SOX5: variants seen among roughly 807,000 people sequenced by gnomAD.
SOX5 encodes transcription factor SOX-5.
SOX5 carries 9 observed loss-of-function variants against 92.0 expected under a neutral mutation model. The observed-to-expected ratio is 0.10, with a 90% confidence interval of 0.06 to 0.17. The LOEUF is 0.17. Ranked by LOEUF, SOX5 falls within the 10% of genes least tolerant of loss-of-function variation. The probability of loss-of-function intolerance (pLI) is 1.00; values close to 1 mark genes in which losing one functional copy is unlikely to be tolerated. For synonymous variants in SOX5, 344 were observed against 336.3 expected, an observed-to-expected ratio of 1.02 and a Z score of -0.25; for missense variants, 642 against 944.5, an observed-to-expected ratio of 0.68 and a Z score of 4.20.
intron 1 of SOX5, among the ~76,000 whole-genome samples, chr12:24,390,115 TACTCA>T (rs1305920831): frequency 6.6e-6 from 1 of 152,206 alleles, no homozygotes; most frequent in Admixed American, 6.5e-5. Context: ...GTTTTCCAGC[TACTCA>T]ACTCCTCTTT....
intron 4 of SOX5, among the ~76,000 whole-genome samples, chr12:24,142,941 C>T (rs1255359400): frequency 1.3e-5 from 2 of 151,310 alleles, no homozygotes; most frequent in African/African-American, 2.4e-5. Context: ...AGCACGTGTG[C>T]AAGGAAACTG....
chr12:23,561,058 C>T (rs997626741), intron 11 of SOX5, among the ~76,000 whole-genome samples: 8 of 152,132 alleles, frequency 5.3e-5, no homozygotes, highest in African/African-American at 1.9e-4. Context: ...AGATGTAACT[C>T]AACTGCATTG....
intron 4 of SOX5, among the ~76,000 whole-genome samples, chr12:23,958,652 A>G (rs1171563433): frequency 2.6e-5 from 4 of 151,856 alleles, no homozygotes; most frequent in Admixed American, 2.0e-4. Flanking sequence ...AGGTTTCTAT[A>G]AGAAAGCCTA....
Position 23,970,841 on chromosome 12 carries a change from A to AAT in SOX5, c.-1-74818_-1-74817insAT, listed in dbSNP as rs758001783. ...ACATGGGACTTTATATATATATATA[A>AAT]TTTTTTTTTTTTTTTAAGAAATGGG... On this transcript the variant is annotated intron_variant, in intron 4 of 4. Transcript: ENST00000446891. 5.3e-3 allele frequency among the ~76,000 whole-genome samples: 116 copies of AAT among 21,894 alleles called. 27 individuals are homozygous for AAT. The highest frequency in any genetic ancestry group is 0.013 in the African/African-American group (107 of 8,052). 14.4% of individuals were successfully genotyped at this position (21,894 alleles called of 152,430 possible).
At chr12:24,020,953 C>G (rs988873659) in intron 4 of SOX5, among the ~76,000 whole-genome samples, 6 of 152,198 alleles carry the variant, frequency 3.9e-5, no homozygotes, top group African/African-American at 4.8e-5. Flanking sequence ...ATCCCAACAA[C>G]TGCTGGTTTA....
At chr12:24,364,511 C>CATATATATATATATATATAT (rs58135899) in intron 2 of SOX5, among the ~76,000 whole-genome samples, 57 of 110,506 alleles carry the variant, frequency 5.2e-4, no homozygotes, top group East Asian at 2.2e-3. Flanking sequence ...AACATTTTTT[C>CATATATATATATATATATAT]ATATATATAT....
At chr12:24,048,254 T>C (rs1422988181) in intron 4 of SOX5, among the ~76,000 whole-genome samples, 7 of 152,158 alleles carry the variant, frequency 4.6e-5, no homozygotes, top group Non-Finnish European at 8.8e-5. Context: ...CCCAAGATCA[T>C]GAAGTTCATA....
Position 24,103,576 on chromosome 12 carries a change from G to T in SOX5, c.-2+109767C>A, listed in dbSNP as rs180874358. 2.3e-4 allele frequency among the ~76,000 whole-genome samples: 35 copies of T among 152,136 alleles called. 1 individual carries two copies. The East Asian group carries it at 4.8e-3, about 21-fold the overall frequency. On this transcript the variant is annotated intron_variant, in intron 4 of 4. Coordinates refer to the SOX5 transcript ENST00000446891. ...TTGCTATGTTGCCCAGGCTTGTCTT[G>T]AACTCTTGGCCTCAAGTGATCCTCA...
At chr12:23,998,750 G>A (rs566154110) in intron 4 of SOX5, among the ~76,000 whole-genome samples, 25 of 130,688 alleles carry the variant, frequency 1.9e-4, no homozygotes, top group South Asian at 7.7e-4. Flanking sequence ...GCAATGAGCC[G>A]AGATCACGCC....
chr12:24,446,365 A>G (rs769321674), intron 1 of SOX5, among the ~76,000 whole-genome samples: 14 of 152,218 alleles, frequency 9.2e-5, no homozygotes, highest in Non-Finnish European at 1.9e-4. Context: ...AGGAAAATTC[A>G]GCCATTTGAA....
At chr12:24,480,213 A>T (rs925000148) in intron 1 of SOX5, among the ~76,000 whole-genome samples, 1 of 152,230 alleles carries the variant, frequency 6.6e-6, no homozygotes, top group Admixed American at 6.5e-5. Flanking sequence ...ATCCCTGTGC[A>T]GAAGAATGAA....
chr12:24,287,843 C>T (rs934666151), intron 2 of SOX5, among the ~76,000 whole-genome samples: 1 of 151,896 alleles, frequency 6.6e-6, no homozygotes, highest in Admixed American at 6.6e-5. Context: ...TCTTACGAGA[C>T]CCCAAATCAC....
chr12:23,762,177 AC>A (rs1158109556), intron 3 of SOX5, among the ~76,000 whole-genome samples: 27 of 152,154 alleles, frequency 1.8e-4, no homozygotes, highest in African/African-American at 6.0e-4. Flanking sequence ...AGGCCCCTTA[AC>A]AGTCCCCTTA....
intron 4 of SOX5, among the ~76,000 whole-genome samples, chr12:23,997,800 T>C (rs564349805): frequency 6.6e-6 from 1 of 152,278 alleles, no homozygotes; most frequent in South Asian, 2.1e-4. Flanking sequence ...GGAAGACAGA[T>C]TTTAAAAGGA....
chr12:24,340,139 CAT>C (rs1280921253), intron 2 of SOX5, among the ~76,000 whole-genome samples: 2 of 152,254 alleles, frequency 1.3e-5, no homozygotes, highest in African/African-American at 4.8e-5. Flanking sequence ...CTCGCTGGCA[CAT>C]AGTCTCCCTT....
At chr12:23,837,383 TATATAAG>T (rs1421981043) in intron 3 of SOX5, among the ~76,000 whole-genome samples, 2 of 6,068 alleles carry the variant, frequency 3.3e-4, no homozygotes, top group Non-Finnish European at 4.5e-4. Flanking sequence ...ATTTATATAA[TATATAAG>T]ATATATTTAT....
chr12:23,788,245 AG>A (rs143094339), intron 3 of SOX5, among the ~76,000 whole-genome samples: 372 of 152,120 alleles, frequency 2.4e-3, no homozygotes, highest in Middle Eastern at 0.01. Context: ...GTCAGAGAGT[AG>A]CAAATGTAAA....
At chr12:23,970,007 C>G (rs1021149726) in intron 4 of SOX5, among the ~76,000 whole-genome samples, 1 of 152,190 alleles carries the variant, frequency 6.6e-6, no homozygotes, top group Non-Finnish European at 1.5e-5. Context: ...CCTGCCCCAG[C>G]TAAATGGGAA....
At chr12:24,354,493 T>A (rs1449335360) in intron 2 of SOX5, among the ~76,000 whole-genome samples, 1 of 152,246 alleles carries the variant, frequency 6.6e-6, no homozygotes, top group Non-Finnish European at 1.5e-5. Flanking sequence ...TATGATCAGA[T>A]GTGCAGGCTT....
Sources: gnomAD v4.1 joint callset for allele counts (sites outside exome capture counted in the v4.1 genomes callset) on GRCh38, gnomAD v4.1.1 for gene constraint, MANE v1.5 for transcripts, NCBI Gene and HGNC (gene_info 2026-07-23, HGNC 2026-07-21) for gene names.